SHROOM4: variants seen among roughly 807,000 people sequenced by gnomAD.
The protein encoded by SHROOM4 is shroom family member 4.
In SHROOM4, 17 loss-of-function variants were observed where a neutral mutation model predicts 80.3. The ratio of observed to expected loss-of-function variants is 0.21; its 90% confidence interval spans 0.14 to 0.32. The LOEUF is 0.32. Ranked by LOEUF, SHROOM4 falls within the 10% of genes least tolerant of loss-of-function variation. The pLI is 1.00. For synonymous variants in SHROOM4, 400 were observed against 437.5 expected (o/e 0.91, Z 1.07); for missense variants, 993 against 1,140.3 (o/e 0.87, Z 1.86).
chrX:50,753,117 C>A (rs1256809202), intron 1 of SHROOM4, among the ~76,000 whole-genome samples: 1 of 111,881 alleles, frequency 8.9e-6, no homozygotes, highest in Non-Finnish European at 1.9e-5. Context: ...CTCTAGATTA[C>A]GTAAAGGACT....
intron 1 of SHROOM4, among the ~76,000 whole-genome samples, chrX:50,730,649 C>T (rs1414429635): frequency 9.2e-6 from 1 of 108,590 alleles, no homozygotes; most frequent in East Asian, 2.9e-4. Flanking sequence ...GTGGTGCACA[C>T]CTGTAGTCCC....
intron 1 of SHROOM4, among the ~76,000 whole-genome samples, chrX:50,716,517 A>G (rs184831122): frequency 1.8e-5 from 2 of 111,991 alleles, no homozygotes; most frequent in Non-Finnish European, 3.8e-5. Flanking sequence ...TCAAAGGTAT[A>G]TGGCACCTTA....
chrX:50,640,970 T>C (rs1267303784), intron 2 of SHROOM4, among the ~76,000 whole-genome samples: 1 of 112,303 alleles, frequency 8.9e-6, no homozygotes, highest in Admixed American at 9.4e-5. Flanking sequence ...AAAGATCAAA[T>C]GAGACAATGC....
chrX:50,690,710 T>C (rs1275417762), intron 2 of SHROOM4, among the ~76,000 whole-genome samples: 3 of 112,933 alleles, frequency 2.7e-5, no homozygotes, highest in Non-Finnish European at 5.6e-5. Context: ...CTCATGCCTG[T>C]AATCCCAGCA....
intron 1 of SHROOM4, among the ~76,000 whole-genome samples, chrX:50,808,060 G>GA (rs1235746135): frequency 1.1e-4 from 12 of 111,463 alleles, no homozygotes; most frequent in Non-Finnish European, 2.1e-4. Flanking sequence ...GTGGGAGGAG[G>GA]AAACAGGAGG....
rs1557247046 is a variant in SHROOM4, at chrX:50,598,384, T to C, written c.4094A>G (p.Tyr1365Cys). Residue 1365 changes from tyrosine (Y) to cysteine (C), a missense_variant, in exon 8 of 9, where the codon TAC (tyrosine) becomes TGC (cysteine). Physicochemically the swap from Tyr to Cys is radical, Grantham distance 194. Coordinates refer to ENST00000376020, the MANE Select transcript of SHROOM4 (RefSeq NM_020717.5). ...GTCCAGGTCCCCAACAAACAAGTGG[T>C]ACTTTTCAAATTCATTGGATTTGCA... ...AVCKSNEFEKYHLFVGDLDKV... is the reference protein window; with the variant it reads ...AVCKSNEFEKCHLFVGDLDKV... 3.3e-6 allele frequency: 4 copies of C among 1,210,896 alleles called. No individual in the cohort carries two copies.
intron 1 of SHROOM4, among the ~76,000 whole-genome samples, chrX:50,762,339 T>C (rs782090122): frequency 1.2e-4 from 13 of 112,389 alleles, no homozygotes; most frequent in Non-Finnish European, 1.3e-4. Flanking sequence ...GCTGTCATTG[T>C]TAAGTATCTC....
At chrX:50,684,873 A>G (rs1044309236) in intron 2 of SHROOM4, among the ~76,000 whole-genome samples, 1 of 112,094 alleles carries the variant, frequency 8.9e-6, no homozygotes, top group African/African-American at 3.2e-5. Context: ...AGGATAGAAA[A>G]AAGTCACGTA....
chrX:50,762,700 T>C (rs1935185772), intron 1 of SHROOM4, among the ~76,000 whole-genome samples: 2 of 112,109 alleles, frequency 1.8e-5, no homozygotes, highest in South Asian at 7.4e-4. Context: ...CTTCAAGCAC[T>C]TTGATTATGT....
chrX:50,630,659 C>T (rs1329912903), intron 4 of SHROOM4, among the ~76,000 whole-genome samples: 5 of 111,711 alleles, frequency 4.5e-5, no homozygotes, highest in Non-Finnish European at 9.4e-5. Context: ...CTAGATTCTA[C>T]AATTAACATT....
intron 1 of SHROOM4, among the ~76,000 whole-genome samples, chrX:50,717,172 G>C (rs938119825): frequency 8.9e-6 from 1 of 111,936 alleles, no homozygotes; most frequent in Non-Finnish European, 1.9e-5. Context: ...TTCCTGAAAT[G>C]AAAGTTAACT....
At chrX:50,811,595 A>C (rs186686159) in intron 1 of SHROOM4, among the ~76,000 whole-genome samples, 3 of 111,830 alleles carry the variant, frequency 2.7e-5, no homozygotes, top group East Asian at 2.8e-4. Flanking sequence ...AAAGGAAATA[A>C]AATCAAGGTT....
At chrX:50,774,512 C>T (rs1460346823) in intron 1 of SHROOM4, among the ~76,000 whole-genome samples, 1 of 110,909 alleles carries the variant, frequency 9.0e-6, no homozygotes, top group African/African-American at 3.3e-5. Flanking sequence ...TCAAGGGAGA[C>T]TGGGGAGTTT....
At chrX:50,673,623 CAT>C (rs1557261029) in intron 2 of SHROOM4, among the ~76,000 whole-genome samples, 2 of 110,935 alleles carry the variant, frequency 1.8e-5, no homozygotes, top group South Asian at 3.8e-4. Context: ...CATAAAAACA[CAT>C]GATTCAACTA....
chrX:50,706,241 C>A (rs932809265), intron 1 of SHROOM4, among the ~76,000 whole-genome samples: 3 of 112,006 alleles, frequency 2.7e-5, no homozygotes, highest in Non-Finnish European at 5.6e-5. Context: ...CTCTTCTCTA[C>A]CCACATCTCA....
At chrX:50,793,684 G>A (rs1403078445) in intron 1 of SHROOM4, among the ~76,000 whole-genome samples, 1 of 106,701 alleles carries the variant, frequency 9.4e-6, no homozygotes, top group African/African-American at 3.4e-5. Context: ...AATGCTGCAC[G>A]CTAATGTATA....
intron 2 of SHROOM4, among the ~76,000 whole-genome samples, chrX:50,692,859 A>G (rs1933256653): frequency 8.9e-6 from 1 of 111,773 alleles, no homozygotes; most frequent in South Asian, 3.8e-4. Flanking sequence ...TTCAGGATAA[A>G]TCATTTGGAT....
intron 1 of SHROOM4, among the ~76,000 whole-genome samples, chrX:50,780,936 G>A (rs1196093611): frequency 2.7e-5 from 3 of 111,353 alleles, no homozygotes; most frequent in Admixed American, 9.6e-5. Context: ...TAAGCTGGGG[G>A]GAAAGCCAGT....
intron 2 of SHROOM4, among the ~76,000 whole-genome samples, chrX:50,693,441 C>T (rs189440272): frequency 1.8e-5 from 2 of 109,180 alleles, no homozygotes; most frequent in Non-Finnish European, 3.8e-5. Flanking sequence ...GTGGTACATG[C>T]CTGTAATCCA....
Sources: allele counts gnomAD v4.1 joint callset (sites outside exome capture counted in the v4.1 genomes callset), GRCh38; gene constraint gnomAD v4.1.1; transcripts MANE v1.5; gene names NCBI Gene and HGNC (gene_info 2026-07-23, HGNC 2026-07-21).